The following FANK1 variants were observed in gnomAD, a reference collection of about 807,000 sequenced individuals.
FANK1 encodes the protein fibronectin type III and ankyrin repeat domains 1.
Under a neutral mutation model 45.3 loss-of-function variants are expected in FANK1, and 44 were observed. The observed-to-expected ratio is 0.97, with a 90% confidence interval of 0.76 to 1.25. The LOEUF (loss-of-function observed/expected upper bound fraction) is 1.25. Ranked by LOEUF, FANK1 falls within the 50% of genes most tolerant of loss-of-function variation. The pLI, the probability that FANK1 is intolerant of heterozygous loss-of-function variation, is 0.00. For missense variants in FANK1, 391 were observed against 424.4 expected (o/e 0.92, Z 0.69); for synonymous variants, 149 against 152.5 (o/e 0.98, Z 0.17).
In FANK1 at chr10:125,996,773, GA is replaced by G. The variant is rs1364184607; in HGVS notation, c.473+152del. 18 of 626,258 alleles carry G rather than the reference GA, an allele frequency of 2.9e-5. No homozygotes were observed. The African/African-American group carries it at 3.0e-4, about 10-fold the overall frequency. The allele number at this position is 626,258 out of a possible 1,614,324, so 38.8% of individuals were successfully genotyped here. On this transcript the variant is annotated intron_variant, in intron 5 of 10. Coordinates refer to ENST00000368693, the MANE Select transcript of FANK1 (RefSeq NM_145235.5). ...CCAAACCGTACCATATGATGGCTTAGAAATTCAACTATTGTAATCATAAAGT... is the reference window on the plus strand; with the variant it reads ...CCAAACCGTACCATATGATGGCTTAGAATTCAACTATTGTAATCATAAAGT...
At chr10:126,002,396 AG>A (rs1952833969) in intron 6 of FANK1, among the ~76,000 whole-genome samples, 2 of 152,212 alleles carry the variant, frequency 1.3e-5, no homozygotes, top group South Asian at 4.1e-4. Flanking sequence ...CCCTTAGCAA[AG>A]GTCATTCTAA....
intron 5 of FANK1, among the ~76,000 whole-genome samples, chr10:125,996,901 T>C (rs558939312): frequency 9.9e-5 from 15 of 152,104 alleles, no homozygotes; most frequent in Non-Finnish European, 2.1e-4. Flanking sequence ...AACTGGTTAT[T>C]GGAATTCAAT....
intron 2 of FANK1, among the ~76,000 whole-genome samples, chr10:125,987,636 GAAGA>G (rs1486250297): frequency 4.6e-5 from 7 of 152,244 alleles, no homozygotes; most frequent in African/African-American, 1.7e-4. Flanking sequence ...AGTCGGATAA[GAAGA>G]AAGAATGTTG....
chr10:125,912,428 T>G (rs1487147900), intron 1 of FANK1, among the ~76,000 whole-genome samples: 5 of 150,370 alleles, frequency 3.3e-5, no homozygotes, highest in African/African-American at 1.2e-4. Context: ...GTTTCCTTTT[T>G]ATTGGCACCA....
chr10:125,980,323 A>G lies in FANK1; in HGVS notation c.176A>G (p.Tyr59Cys). 6.2e-7 allele frequency: 1 copy of G among 1,613,978 alleles called. No homozygotes were observed. Among genetic ancestry groups the G allele is most frequent in the Non-Finnish European group, 8.5e-7 (1 of 1,180,004 alleles). ...IEEEDPKMHTYGIIYTGYATK... is the reference protein window; with the variant it reads ...IEEEDPKMHTCGIIYTGYATK... ...GAAGAAGACCCCAAAATGCACACTTATGGTATCATTTATACGTAGGTGCAG... is the reference window on the plus strand; with the variant it reads ...GAAGAAGACCCCAAAATGCACACTTGTGGTATCATTTATACGTAGGTGCAG... The change falls in exon 2 of 11, where the codon TAT becomes TGT. Residue 59 changes from tyrosine (Y) to cysteine (C), a missense_variant. Transcript: ENST00000368693.
chr10:125,942,330 A>G (rs1020251438), intron 1 of FANK1, among the ~76,000 whole-genome samples: 1 of 152,242 alleles, frequency 6.6e-6, no homozygotes, highest in African/African-American at 2.4e-5. Context: ...CACATGGGAC[A>G]TGTTTACCTA....
At chr10:125,986,498 G>A (rs770597145) in intron 2 of FANK1, among the ~76,000 whole-genome samples, 1 of 152,174 alleles carries the variant, frequency 6.6e-6, no homozygotes. Context: ...TGTTAGAGTT[G>A]TCTCCAGATT....
chr10:125,915,637 C>T (rs1946389992), intron 1 of FANK1, among the ~76,000 whole-genome samples: 1 of 152,132 alleles, frequency 6.6e-6, no homozygotes, highest in African/African-American at 2.4e-5. Context: ...CAACATAGAC[C>T]CTGTCTCTAC....
intron 1 of FANK1, among the ~76,000 whole-genome samples, chr10:125,923,730 G>A (rs1947114183): frequency 6.6e-6 from 1 of 151,954 alleles, no homozygotes; most frequent in South Asian, 2.1e-4. Flanking sequence ...GTTTTGCCAT[G>A]TTGCCCAGGC....
chr10:125,959,413 C>CAA (rs767754151), intron 1 of FANK1, among the ~76,000 whole-genome samples: 3,651 of 74,650 alleles, frequency 0.049, 394 homozygotes, highest in African/African-American at 0.18. Flanking sequence ...GACTCTGTCT[C>CAA]AAAAAAAAAA....
At chr10:125,961,069 C>G (rs147014177) in intron 1 of FANK1, among the ~76,000 whole-genome samples, 1,717 of 152,226 alleles carry the variant, frequency 0.011, 35 homozygotes, top group African/African-American at 0.039. Context: ...ATAGACCACA[C>G]AGAAAGTAAT....
chr10:125,948,755 C>T lies in FANK1; in HGVS notation c.14-31406C>T, dbSNP rs1197979069. Among the ~76,000 whole-genome samples the T allele has an allele frequency of 2.0e-5, 3 of 151,844 alleles. No homozygotes were observed. The East Asian group carries it at 5.8e-4, about 29-fold the overall frequency. On this transcript the variant is annotated intron_variant, in intron 1 of 10. Coordinates refer to ENST00000368693, the MANE Select transcript of FANK1 (RefSeq NM_145235.5). ...TCAATAGAAAAAGAGGGAATCCTCC[C>T]TAACTCATTTTATGAGGCCAGCATC...
chr10:125,927,360 A>T (rs1460184913), intron 1 of FANK1, among the ~76,000 whole-genome samples: 4 of 152,028 alleles, frequency 2.6e-5, no homozygotes, highest in Admixed American at 2.6e-4. Flanking sequence ...TATAAATGCG[A>T]TCTTTTCTTT....
chr10:125,965,591 A>G (rs1314277229), intron 1 of FANK1, among the ~76,000 whole-genome samples: 1 of 152,190 alleles, frequency 6.6e-6, no homozygotes, highest in African/African-American at 2.4e-5. Flanking sequence ...CTCTCCACTT[A>G]TCAGTTCTGT....
chr10:125,936,565 C>G (rs1359345692), intron 1 of FANK1, among the ~76,000 whole-genome samples: 3 of 151,972 alleles, frequency 2.0e-5, no homozygotes, highest in Non-Finnish European at 4.4e-5. Context: ...GTTTTGCCAG[C>G]TTTTGAACTC....
intron 6 of FANK1, among the ~76,000 whole-genome samples, chr10:125,998,993 G>T (rs1048996627): frequency 2.6e-5 from 4 of 151,570 alleles, no homozygotes; most frequent in Admixed American, 6.6e-5. Context: ...TTTGATAGAG[G>T]AAAAAAAAGC....
rs1944789322 is a variant in FANK1, at chr10:125,898,788, A to T, written c.13+2133A>T. ...TTGGATTTTGAGGTGGAAAATATTT[A>T]ATTTATACCTGAGGAATGACTGTAA... On this transcript the variant is annotated intron_variant, in intron 1 of 10. Coordinates refer to ENST00000368693, the MANE Select transcript of FANK1 (RefSeq NM_145235.5). Among the ~76,000 whole-genome samples, 3 of 152,044 alleles carry T rather than the reference A, an allele frequency of 2.0e-5. No individual in the cohort carries two copies. In the South Asian group the frequency reaches 6.2e-4, roughly 32 times the overall value.
chr10:125,995,396 C>T, intron 3 of FANK1, 21 bp from the exon 4 acceptor site: 2 of 1,610,268 alleles, frequency 1.2e-6, no homozygotes, highest in South Asian at 1.1e-5. Flanking sequence ...TGGATGACTG[C>T]CTTCCATCTC....
At chr10:126,003,584 G>C (rs539661787) in intron 6 of FANK1, among the ~76,000 whole-genome samples, 1 of 152,242 alleles carries the variant, frequency 6.6e-6, no homozygotes, top group Admixed American at 6.5e-5. Flanking sequence ...TCTCTGTAAA[G>C]ATACAGTTTT....
Sources: gnomAD v4.1 joint callset for allele counts (sites outside exome capture counted in the v4.1 genomes callset) on GRCh38, gnomAD v4.1.1 for gene constraint, MANE v1.5 for transcripts, NCBI Gene and HGNC (gene_info 2026-07-23, HGNC 2026-07-21) for gene names.